Variants in FAM185A observed in about 807,000 individuals in gnomAD.
The protein encoded by FAM185A is protein FAM185A.
A neutral mutation model predicts 45.7 loss-of-function variants in FAM185A; 21 were observed. That is an observed-to-expected ratio of 0.46 (90% CI 0.33 to 0.66). FAM185A has a LOEUF of 0.66. Among genes scored for constraint, FAM185A ranks in the 30% least tolerant of loss-of-function variants. The pLI, the probability that FAM185A is intolerant of heterozygous loss-of-function variation, is 0.03. For missense variants in FAM185A, 305 were observed against 485.4 expected (o/e 0.63, Z 3.49); for synonymous variants, 117 against 194.0 (o/e 0.60, Z 3.30).
the FAM185A span, chr7:102,832,771 T>G: frequency 1.3e-6 from 2 of 1,583,952 alleles, no homozygotes; most frequent in Non-Finnish European, 1.7e-6. Context: ...CCAGCCCTGA[T>G]CGCTGTCCTG....
intron 2 of FAM185A, among the ~76,000 whole-genome samples, chr7:102,753,202 T>G (rs1200993898): frequency 6.6e-6 from 1 of 151,980 alleles, no homozygotes; most frequent in Non-Finnish European, 1.5e-5. Flanking sequence ...TTTTTTGTCC[T>G]TAGAAATATT....
At chr7:102,810,600 TTTTC>T (rs1279007123), downstream of FAM185A, among the ~76,000 whole-genome samples, 1 of 151,838 alleles carries the variant, frequency 6.6e-6, no homozygotes, top group East Asian at 1.9e-4. Context: ...ATGATGATCT[TTTTC>T]TTTTTTTCAG....
chr7:102,769,189 A>G (rs1169533398), intron 4 of FAM185A, among the ~76,000 whole-genome samples: 1 of 152,188 alleles, frequency 6.6e-6, no homozygotes, highest in Non-Finnish European at 1.5e-5. Context: ...ATTTGAAATG[A>G]TTCCTTAATT....
intron 7 of FAM185A, among the ~76,000 whole-genome samples, chr7:102,800,315 G>C (rs1796712679): frequency 6.6e-6 from 1 of 152,140 alleles, no homozygotes; most frequent in Non-Finnish European, 1.5e-5. Flanking sequence ...AACTGTGTTG[G>C]TTTTCTGACA....
At chr7:102,804,683 G>A (rs796926192) in intron 7 of FAM185A, among the ~76,000 whole-genome samples, 2 of 152,180 alleles carry the variant, frequency 1.3e-5, no homozygotes, top group African/African-American at 4.8e-5. Flanking sequence ...ATAAATAGCT[G>A]GGACTTAATT....
the FAM185A span, chr7:102,822,029 T>G: frequency 1.2e-6 from 2 of 1,614,006 alleles, no homozygotes; most frequent in Non-Finnish European, 1.7e-6. Context: ...CATAGTCAGG[T>G]ACATACTTAC....
intron 7 of FAM185A, among the ~76,000 whole-genome samples, chr7:102,805,350 A>G (rs913756885): frequency 6.6e-6 from 1 of 152,228 alleles, no homozygotes; most frequent in Admixed American, 6.5e-5. Flanking sequence ...CTGCTCGGCC[A>G]TAAAAAGGAA....
the FAM185A span, among the ~76,000 whole-genome samples, chr7:102,826,781 A>C: frequency 3.1e-5 from 4 of 129,998 alleles, no homozygotes; most frequent in Non-Finnish European, 6.6e-5. Flanking sequence ...ATGTATATAT[A>C]TCTCTAATAT....
the FAM185A span, among the ~76,000 whole-genome samples, chr7:102,845,119 AATT>A: frequency 4.5e-3 from 679 of 152,226 alleles, 8 homozygotes; most frequent in African/African-American, 0.015. Flanking sequence ...AGACACCATC[AATT>A]ATTAGCTCAA....
chr7:102,844,057 G>A, the FAM185A span, among the ~76,000 whole-genome samples: 3 of 152,292 alleles, frequency 2.0e-5, no homozygotes, highest in African/African-American at 7.2e-5. Context: ...AAACCAGGCA[G>A]AAAACACAAG....
Position 102,749,471 on chromosome 7 carries a change from G to A in FAM185A, c.264G>A (p.Arg88=), listed in dbSNP as rs1562837708. 6.5e-7 allele frequency: 1 copy of A among 1,546,466 alleles called. No individual in the cohort carries two copies. Among genetic ancestry groups the A allele is most frequent in the Non-Finnish European group, 8.7e-7 (1 of 1,145,508 alleles). Residue 88 remains arginine, a synonymous_variant, in exon 1 of 8, where the codon AGG becomes AGA. Coordinates refer to ENST00000413034, the MANE Select transcript of FAM185A (RefSeq NM_001145268.2). ...GGCTCCCGTGCCACCTGGCCGTGAGGCCCCTGGACCCCCTCACCTACCCGG... is the reference window on the plus strand; with the variant it reads ...GGCTCCCGTGCCACCTGGCCGTGAGACCCCTGGACCCCCTCACCTACCCGG... ...RARLPCHLAV[R]PLDPLTYPDG...
chr7:102,763,006 T>C (rs1292039228), intron 4 of FAM185A, among the ~76,000 whole-genome samples: 1 of 142,216 alleles, frequency 7.0e-6, no homozygotes, highest in East Asian at 2.0e-4. Flanking sequence ...GGAGAAACAA[T>C]TCCTTATCAA....
At chr7:102,794,295 A>G (rs1003600928) in intron 7 of FAM185A, among the ~76,000 whole-genome samples, 4 of 152,182 alleles carry the variant, frequency 2.6e-5, no homozygotes, top group Non-Finnish European at 4.4e-5. Context: ...TAAGTGAACT[A>G]TCCCCAGTAG....
Position 102,781,777 on chromosome 7 carries a change from C to T in FAM185A, c.931+4429C>T, listed in dbSNP as rs537635335. 3.3e-3 allele frequency among the ~76,000 whole-genome samples: 499 copies of T among 152,294 alleles called. 1 individual carries two copies. The highest frequency in any genetic ancestry group is 5.2e-3 in the Non-Finnish European group (355 of 68,016). ...TCTCCTCCTCTAGAGGAACGCGGCT[C>T]CTCACCAGTAACGGAACAAAGCTGG... On this transcript the variant is annotated intron_variant, in intron 6 of 7. Transcript: ENST00000413034.
the FAM185A span, among the ~76,000 whole-genome samples, chr7:102,823,085 CA>C: frequency 2.7e-4 from 41 of 151,920 alleles, no homozygotes; most frequent in Non-Finnish European, 2.6e-4. Context: ...ACCCCCCACA[CA>C]AAAAAAGTTG....
chr7:102,834,086 A>AAGGAAGGAAGGAAAAG, the FAM185A span, among the ~76,000 whole-genome samples: 1 of 93,676 alleles, frequency 1.1e-5, no homozygotes, highest in African/African-American at 4.6e-5. Context: ...GGAAGGAAAG[A>AAGGAAGGAAGGAAAAG]AAAGAAAGAA....
the FAM185A span, among the ~76,000 whole-genome samples, chr7:102,849,073 C>A: frequency 6.6e-6 from 1 of 152,156 alleles, no homozygotes; most frequent in Non-Finnish European, 1.5e-5. Context: ...TAAGATGGAA[C>A]TTCTAATACG....
Position 102,778,189 on chromosome 7 carries a change from G to GT in FAM185A, c.931+849dup, listed in dbSNP as rs199907432. Among the ~76,000 whole-genome samples the GT allele has an allele frequency of 3.9e-5, 6 of 152,218 alleles. No homozygotes were observed. In the South Asian group the frequency reaches 1.2e-3, roughly 32 times the overall value. On this transcript the variant is annotated intron_variant, in intron 6 of 7. Coordinates refer to ENST00000413034, the MANE Select transcript of FAM185A (RefSeq NM_001145268.2). ...GTTGCTTTACCATATTGATGTAATA[G>GT]TTTTTTTTAATCCATCTCTAGAATT...
chr7:102,775,705 C>T (rs1359517088), intron 5 of FAM185A, among the ~76,000 whole-genome samples: 1 of 152,074 alleles, frequency 6.6e-6, no homozygotes, highest in African/African-American at 2.4e-5. Flanking sequence ...ACTAATGTTT[C>T]AGCTATTTTA....
Sources: allele counts gnomAD v4.1 joint callset (sites outside exome capture counted in the v4.1 genomes callset), GRCh38; gene constraint gnomAD v4.1.1; transcripts MANE v1.5; gene names NCBI Gene and HGNC (gene_info 2026-07-23, HGNC 2026-07-21).